Variants in ACP1 observed in about 807,000 individuals in gnomAD.
The protein encoded by ACP1 is acid phosphatase 1.
ACP1 carries 23 observed loss-of-function variants against 23.4 expected under a neutral mutation model. The observed-to-expected ratio is 0.98, with a 90% CI of 0.71 to 1.39. The LOEUF (loss-of-function observed/expected upper bound fraction) is 1.39, where lower values mean the gene tolerates loss of function less well. ACP1 is among the 40% of genes most tolerant of loss of function. The pLI is 0.00. For synonymous variants in ACP1, 72 were observed against 67.2 expected (o/e 1.07, Z -0.35); for missense variants, 180 against 197.7 (o/e 0.91, Z 0.54).
rs1182200500 is a variant in ACP1, at chr2:266,517, T to C, written c.43+1510T>C. 3 of 152,232 alleles carry C rather than the reference T, an allele frequency of 2.0e-5. No homozygotes were observed. The East Asian group carries it at 5.8e-4, about 29-fold the overall frequency. The allele number at this position is 152,232 out of a possible 1,614,324, so 9.4% of individuals were successfully genotyped here. A position where few individuals can be genotyped will look rare whatever the true frequency, so the allele number is the denominator to read the frequency against. ...ATCCTTGCATATACAGTAGTCCCACTTTAGCTGTAGGGGATACATTCCAAG... is the reference window on the plus strand; with the variant it reads ...ATCCTTGCATATACAGTAGTCCCACCTTAGCTGTAGGGGATACATTCCAAG... On this transcript the variant is annotated intron_variant, in intron 1 of 5. Coordinates refer to ENST00000272065, the MANE Select transcript of ACP1 (RefSeq NM_004300.4).
intron 1 of ACP1, among the ~76,000 whole-genome samples, chr2:271,079 C>T (rs1310004719): frequency 6.6e-6 from 1 of 152,078 alleles, no homozygotes; most frequent in African/African-American, 2.4e-5. Context: ...ATGCCTGGAT[C>T]TGTATCCCTG....
intron 1 of ACP1, among the ~76,000 whole-genome samples, chr2:268,017 A>G (rs1257041464): frequency 6.6e-6 from 1 of 152,218 alleles, no homozygotes; most frequent in Non-Finnish European, 1.5e-5. Flanking sequence ...TGGGCTGTAC[A>G]TAAAGGCAGT....
intron 1 of ACP1, 150 bp from the exon 2 acceptor site, chr2:271,716 T>G (rs1670036326): frequency 2.9e-6 from 2 of 701,630 alleles, no homozygotes; most frequent in Admixed American, 4.3e-5. Flanking sequence ...CCCTCACTGG[T>G]TGGACAAAGG....
chr2:274,358 A>C (rs1212989191), intron 3 of ACP1, among the ~76,000 whole-genome samples: 5 of 152,152 alleles, frequency 3.3e-5, no homozygotes, highest in Non-Finnish European at 7.3e-5. Context: ...TATGTTTCTT[A>C]TTCTGCCATT....
At chr2:276,418 C>T (rs780619771) in intron 4 of ACP1, among the ~76,000 whole-genome samples, 10 of 152,166 alleles carry the variant, frequency 6.6e-5, no homozygotes, top group Non-Finnish European at 1.5e-4. Flanking sequence ...CGCAGGTGCT[C>T]AGTCGAAATT....
chr2:276,245 G>T (rs1010942560), intron 4 of ACP1, among the ~76,000 whole-genome samples: 4 of 152,074 alleles, frequency 2.6e-5, no homozygotes, highest in African/African-American at 9.7e-5. Flanking sequence ...CTTGATAGAG[G>T]TATTCTGCTG....
At chr2:274,936 T>C in intron 3 of ACP1, 1 of 372,578 alleles carries the variant, frequency 2.7e-6, no homozygotes, top group East Asian at 3.6e-5. Flanking sequence ...TATGGAACTT[T>C]ATAATACAAA....
At chr2:270,849 T>TTTTG (rs57527715) in intron 1 of ACP1, among the ~76,000 whole-genome samples, 137,983 of 151,354 alleles carry the variant, frequency 0.91, 63,022 homozygotes, top group African/African-American at 0.96. Flanking sequence ...GCTTTGGCTG[T>TTTTG]TTTGTTTGTT....
Position 277,746 on chromosome 2 carries a change from G to T in ACP1, c.*442G>T. 5.1e-6 allele frequency: 1 copy of T among 195,234 alleles called. No homozygotes were observed. Among genetic ancestry groups the T allele is most frequent in the Admixed American group, 5.3e-5 (1 of 18,922 alleles). The allele number at this position is 195,234 out of a possible 1,614,324, so 12.1% of individuals were successfully genotyped here. On this transcript the variant is annotated 3_prime_UTR_variant, in exon 6 of 6. Transcript: ENST00000272065. The stretch of plus-strand genomic sequence containing the variant: ...CAGTGCTACCTCTCTCTTCCCTAGG[G>T]CCTTTTGTGGATTGACAGTAGTCCC...
chr2:273,252 C>T (rs1425917088), intron 3 of ACP1: 1 of 152,242 alleles, frequency 6.6e-6, no homozygotes, highest in African/African-American at 2.4e-5. Flanking sequence ...CTGCGTCTCA[C>T]TATTGTTGCA....
At chr2:267,802 A>G (rs1669929554) in intron 1 of ACP1, among the ~76,000 whole-genome samples, 1 of 152,218 alleles carries the variant, frequency 6.6e-6, no homozygotes, top group African/African-American at 2.4e-5. Flanking sequence ...GATTATAATT[A>G]TTTTAGATTG....
chr2:272,050 G>A lies in ACP1; in HGVS notation c.131G>A (p.Ser44Asn). The change falls in exon 3 of 6, where the codon AGC (serine) becomes AAC (asparagine). Residue 44 changes from serine to asparagine, a missense_variant. Transcript: ENST00000272065. ...CTTCCCCTGCAGTGGAGGGTAGACA[G>A]CGCGGCAACTTCCGGGTATGAGATA... is the stretch of plus-strand genomic sequence containing the variant. ...QNISENWRVD[S>N]AATSGYEIGN... The A allele has an allele frequency of 1.2e-6, 2 of 1,613,814 alleles. No homozygotes were observed. Among genetic ancestry groups the A allele is most frequent in the Non-Finnish European group, 1.7e-6 (2 of 1,179,960 alleles).
At position 277,453 on chromosome 2, in the gene ACP1, A is replaced by G; in HGVS notation, c.*149A>G. The G allele has an allele frequency of 1.5e-6, 1 of 689,332 alleles. No homozygotes were observed. Among genetic ancestry groups the G allele is most frequent in the Non-Finnish European group, 2.6e-6 (1 of 389,092 alleles). 42.7% of individuals were successfully genotyped at this position (689,332 alleles called of 1,614,324 possible). ...GTTTCTTACCTTAAAAAGTAATTGT[A>G]GATGGAAATCAGTTGTGTTTGGCAG... On this transcript the variant is annotated 3_prime_UTR_variant, in exon 6 of 6. Coordinates refer to ENST00000272065, the MANE Select transcript of ACP1 (RefSeq NM_004300.4).
intron 1 of ACP1, among the ~76,000 whole-genome samples, chr2:269,100 T>C (rs1481827160): frequency 6.6e-6 from 1 of 152,230 alleles, no homozygotes; most frequent in African/African-American, 2.4e-5. Flanking sequence ...CTGTTAAAAA[T>C]ATTCCCAGGG....
chr2:266,699 A>C (rs966920164), intron 1 of ACP1, among the ~76,000 whole-genome samples: 7 of 152,254 alleles, frequency 4.6e-5, no homozygotes, highest in Admixed American at 3.3e-4. Context: ...GTTTGAGGCA[A>C]GACAGCAGAC....
At position 264,989 on chromosome 2, in the gene ACP1, G is replaced by C. The variant is rs768112455; in HGVS notation, c.25G>C (p.Val9Leu). 6.2e-7 allele frequency: 1 copy of C among 1,613,298 alleles called. No homozygotes were observed. Among genetic ancestry groups the C allele is most frequent in the Non-Finnish European group, 8.5e-7 (1 of 1,179,656 alleles). The change falls in exon 1 of 6, where the codon GTG becomes CTG. Residue 9 changes from valine to leucine, a missense_variant. Val to Leu is a conservative substitution (Grantham distance 32). Coordinates refer to ENST00000272065, the MANE Select transcript of ACP1 (RefSeq NM_004300.4). ...GATGGCGGAACAGGCTACCAAGTCC[G>C]TGCTGTTTGTGTGTCTGGGTAAGAG... MAEQATKS[V>L]LFVCLGNICR...
chr2:277,344 C>T lies in ACP1; in HGVS notation c.*40C>T, dbSNP rs770303461. 33 of 1,568,574 alleles carry T rather than the reference C, an allele frequency of 2.1e-5. No individual in the cohort carries two copies. The South Asian group carries it at 3.4e-4, about 16-fold the overall frequency. ...CTGCTGCGGCCAGCCTGACTAGACC[C>T]CACCCTGAGGTCCTGCATTTCTCAG... On this transcript the variant is annotated 3_prime_UTR_variant, in exon 6 of 6. Transcript: ENST00000272065.
intron 1 of ACP1, 38 bp from the exon 2 acceptor site, chr2:271,828 A>G (rs1439038401): frequency 1.9e-6 from 3 of 1,551,358 alleles, no homozygotes; most frequent in South Asian, 1.1e-5. Context: ...CTTCCATCCA[A>G]CCTAACCCTG....
chr2:267,227 A>AT (rs964339696), intron 1 of ACP1, among the ~76,000 whole-genome samples: 34 of 152,200 alleles, frequency 2.2e-4, no homozygotes, highest in African/African-American at 7.5e-4. Flanking sequence ...CAATTCAGTG[A>AT]TTTTTTGTTG....
Sources: gnomAD v4.1 joint callset for allele counts (sites outside exome capture counted in the v4.1 genomes callset) on GRCh38, gnomAD v4.1.1 for gene constraint, MANE v1.5 for transcripts, NCBI Gene and HGNC (gene_info 2026-07-23, HGNC 2026-07-21) for gene names.